The following AGPS variants were observed in gnomAD, a reference collection of about 807,000 sequenced individuals.
AGPS encodes the protein alkyldihydroxyacetonephosphate synthase, peroxisomal.
In AGPS, 26 loss-of-function variants were observed where a neutral mutation model predicts 90.7. That is an observed-to-expected ratio of 0.29 (90% confidence interval 0.21 to 0.40). The LOEUF is 0.40. Ranked by LOEUF, AGPS falls within the 10% of genes least tolerant of loss-of-function variation. The pLI is 1.00. For synonymous variants in AGPS, 294 were observed against 285.3 expected (o/e 1.03, Z -0.31); for missense variants, 540 against 816.1 (o/e 0.66, Z 4.12).
intron 9 of AGPS, among the ~76,000 whole-genome samples, chr2:177,466,686 G>A (rs958705927): frequency 6.6e-6 from 1 of 152,232 alleles, no homozygotes; most frequent in Non-Finnish European, 1.5e-5. Flanking sequence ...CTGAGCATGC[G>A]CACACCCGGC....
intron 19 of AGPS, among the ~76,000 whole-genome samples, chr2:177,528,413 C>T (rs2079108536): frequency 6.6e-6 from 1 of 152,164 alleles, no homozygotes; most frequent in South Asian, 2.1e-4. Context: ...TTACTTTGTA[C>T]CTCTAGCAGC....
intron 14 of AGPS, among the ~76,000 whole-genome samples, chr2:177,501,110 A>G (rs1034621301): frequency 2.0e-5 from 3 of 152,288 alleles, no homozygotes; most frequent in Admixed American, 6.5e-5. Context: ...AAAATTGTTC[A>G]TTGTGTATTT....
chr2:177,470,520 A>G (rs1301241985), intron 10 of AGPS, among the ~76,000 whole-genome samples: 1 of 151,984 alleles, frequency 6.6e-6, no homozygotes, highest in African/African-American at 2.4e-5. Flanking sequence ...CCTGACCAAC[A>G]TGTTGAAACC....
At chr2:177,436,309 G>A (rs546041817) in intron 3 of AGPS, among the ~76,000 whole-genome samples, 4 of 151,492 alleles carry the variant, frequency 2.6e-5, no homozygotes, top group South Asian at 2.1e-4. Flanking sequence ...CCGCCACCAC[G>A]CCCGGCTAAT....
In AGPS at chr2:177,492,309, A is replaced by G. The variant is rs575850367; in HGVS notation, c.1234-839A>G. On this transcript the variant is annotated intron_variant, in intron 11 of 19. Transcript: ENST00000264167. Reference sequence around the variant, plus strand: ...ATATATAAATATATATGTTATATGTATATTCTACTTATGAAGAAAAGAAAT... The same window carrying G: ...ATATATAAATATATATGTTATATGTGTATTCTACTTATGAAGAAAAGAAAT... Among the ~76,000 whole-genome samples, 48 of 152,304 alleles carry G rather than the reference A, an allele frequency of 3.2e-4. No homozygotes were observed. The East Asian group carries it at 6.7e-3, about 21-fold the overall frequency.
At chr2:177,499,255 G>A (rs922402422) in intron 13 of AGPS, among the ~76,000 whole-genome samples, 1 of 151,526 alleles carries the variant, frequency 6.6e-6, no homozygotes. Flanking sequence ...TTTGCTTCCC[G>A]CCCAATATAT....
At chr2:177,506,565 T>G (rs1222282736) in intron 15 of AGPS, among the ~76,000 whole-genome samples, 1 of 151,958 alleles carries the variant, frequency 6.6e-6, no homozygotes, top group Non-Finnish European at 1.5e-5. Context: ...AAGGCTGAAT[T>G]AATATGTTCT....
chr2:177,507,908 A>G, intron 15 of AGPS, 62 bp from the exon 16 acceptor site: 2 of 1,092,268 alleles, frequency 1.8e-6, no homozygotes, highest in Non-Finnish European at 2.8e-6. Context: ...AAAGACTAAC[A>G]GTGTTATTGA....
intron 16 of AGPS, 114 bp downstream of exon 16, chr2:177,508,145 A>G: frequency 1.3e-6 from 1 of 786,472 alleles, no homozygotes; most frequent in Non-Finnish European, 2.2e-6. Flanking sequence ...AGAAACATTG[A>G]GACAAGGCAG....
intron 1 of AGPS, among the ~76,000 whole-genome samples, chr2:177,414,129 A>G (rs968654019): frequency 2.0e-5 from 3 of 151,918 alleles, no homozygotes; most frequent in Admixed American, 1.3e-4. Flanking sequence ...TCTTTCACTC[A>G]TTTATTCATG....
At chr2:177,527,216 T>A (rs927886799) in intron 19 of AGPS, among the ~76,000 whole-genome samples, 2 of 152,044 alleles carry the variant, frequency 1.3e-5, no homozygotes, top group Non-Finnish European at 1.5e-5. Flanking sequence ...TTGCTTAAGC[T>A]CAGGAGTTCG....
chr2:177,501,282 C>A (rs1688554620), intron 14 of AGPS, among the ~76,000 whole-genome samples: 2 of 151,970 alleles, frequency 1.3e-5, no homozygotes, highest in Non-Finnish European at 2.9e-5. Context: ...GTACACACAC[C>A]CACACACAGA....
At chr2:177,397,840 G>A (rs1194168644) in intron 1 of AGPS, among the ~76,000 whole-genome samples, 1 of 152,156 alleles carries the variant, frequency 6.6e-6, no homozygotes, top group Non-Finnish European at 1.5e-5. Flanking sequence ...ACCAGCCTGG[G>A]TAAGATGGTG....
intron 8 of AGPS, among the ~76,000 whole-genome samples, chr2:177,448,622 GACC>G (rs1413085602): frequency 6.6e-6 from 1 of 152,082 alleles, no homozygotes; most frequent in African/African-American, 2.4e-5. Flanking sequence ...AGGCAGCTTG[GACC>G]ACAATCTTTG....
chr2:177,506,383 T>C, intron 15 of AGPS, among the ~76,000 whole-genome samples: 1 of 151,774 alleles, frequency 6.6e-6, no homozygotes. Context: ...ATATACATAT[T>C]TTCAGGGTAC....
At chr2:177,521,004 A>G (rs1689169096) in intron 17 of AGPS, among the ~76,000 whole-genome samples, 1 of 152,230 alleles carries the variant, frequency 6.6e-6, no homozygotes, top group Non-Finnish European at 1.5e-5. Context: ...CATGAAAAAG[A>G]TTGAATATGT....
At chr2:177,421,737 A>C (rs1436386473) in intron 2 of AGPS, among the ~76,000 whole-genome samples, 2 of 152,166 alleles carry the variant, frequency 1.3e-5, no homozygotes, top group Non-Finnish European at 2.9e-5. Context: ...AATAATGCCT[A>C]ATACAATAGA....
intron 13 of AGPS, among the ~76,000 whole-genome samples, chr2:177,498,372 G>A (rs77137437): frequency 0.021 from 3,244 of 151,244 alleles, 76 homozygotes; most frequent in South Asian, 0.056. Context: ...TTTTTTCTTG[G>A]TACTTTGATG....
At chr2:177,411,860 G>C (rs1685630973) in intron 1 of AGPS, among the ~76,000 whole-genome samples, 1 of 152,206 alleles carries the variant, frequency 6.6e-6, no homozygotes, top group Non-Finnish European at 1.5e-5. Flanking sequence ...TGGCCAAGGA[G>C]CCAAGGCTTG....
Sources: gnomAD v4.1 joint callset for allele counts (sites outside exome capture counted in the v4.1 genomes callset) on GRCh38, gnomAD v4.1.1 for gene constraint, MANE v1.5 for transcripts, NCBI Gene and HGNC (gene_info 2026-07-23, HGNC 2026-07-21) for gene names.